The following ANKRD36 variants were observed in gnomAD, a reference collection of about 807,000 sequenced individuals.
The protein encoded by ANKRD36 is ankyrin repeat domain 36.
In ANKRD36, 179 loss-of-function variants were observed where a neutral mutation model predicts 278.1. The observed-to-expected ratio is 0.64, with a 90% CI of 0.57 to 0.73. The LOEUF (loss-of-function observed/expected upper bound fraction) is 0.73, where lower values mean the gene tolerates loss of function less well. Among genes scored for constraint, ANKRD36 ranks in the 30% least tolerant of loss-of-function variants. ANKRD36 has a pLI of 0.00. For synonymous variants in ANKRD36, 320 were observed against 641.1 expected, an observed-to-expected ratio of 0.50 and a Z score of 7.57; for missense variants, 1,159 against 1,956.7, an observed-to-expected ratio of 0.59 and a Z score of 7.69.
intron 44 of ANKRD36, among the ~76,000 whole-genome samples, chr2:97,199,545 A>G (rs1275599975): frequency 6.6e-6 from 1 of 151,930 alleles, no homozygotes; most frequent in Non-Finnish European, 1.5e-5. Context: ...TTTTCAATGA[A>G]TATTGCAGTG....
chr2:97,228,768 G>T (rs1167388290), intron 67 of ANKRD36, among the ~76,000 whole-genome samples: 1 of 151,504 alleles, frequency 6.6e-6, no homozygotes, highest in African/African-American at 2.4e-5. Flanking sequence ...TCTCTTGTGG[G>T]CATTTAGTGC....
chr2:97,220,729 CTTTTTTTTT>C, intron 66 of ANKRD36, among the ~76,000 whole-genome samples: 2 of 66,496 alleles, frequency 3.0e-5, no homozygotes, highest in South Asian at 1.4e-3. Context: ...GATTTTCTTG[CTTTTTTTTT>C]TTTTTTTTTA....
chr2:97,188,408 T>C (rs1312240631), intron 32 of ANKRD36, among the ~76,000 whole-genome samples: 16 of 151,710 alleles, frequency 1.1e-4, no homozygotes, highest in Admixed American at 9.3e-4. Flanking sequence ...TTATTGAGGC[T>C]GATATATTAT....
Position 97,190,162 on chromosome 2 carries a change from A to G in ANKRD36, c.2246-816A>G, listed in dbSNP as rs531914294. ...ACAAAAATTATGTTGAATTCTAATT[A>G]ACTCCTAAAATGGTAATTTTCAATG... On this transcript the variant is annotated intron_variant, in intron 34 of 75. Transcript: ENST00000420699. Among the ~76,000 whole-genome samples the G allele has an allele frequency of 5.4e-5, 5 of 92,020 alleles. 1 individual carries two copies. Among genetic ancestry groups the G allele is most frequent in the Admixed American group, 3.9e-4 (4 of 10,336 alleles). The allele number at this position is 92,020 out of a possible 152,430, so 60.4% of individuals were successfully genotyped here.
chr2:97,193,941 A>G (rs953654859), intron 38 of ANKRD36, among the ~76,000 whole-genome samples: 1 of 151,710 alleles, frequency 6.6e-6, no homozygotes, highest in Non-Finnish European at 1.5e-5. Context: ...TTCAATGAAT[A>G]TTGCAGTGAT....
chr2:97,242,580 C>A (rs375085202), intron 69 of ANKRD36, among the ~76,000 whole-genome samples: 3 of 146,022 alleles, frequency 2.1e-5, no homozygotes, highest in South Asian at 2.6e-4. Context: ...AACATATTAC[C>A]TTCTTAACCT....
intron 6 of ANKRD36, among the ~76,000 whole-genome samples, chr2:97,137,390 A>G (rs1429991765): frequency 6.6e-6 from 1 of 151,604 alleles, no homozygotes; most frequent in Admixed American, 6.6e-5. Context: ...GCCTCATGTG[A>G]TCCACCCACC....
intron 34 of ANKRD36, among the ~76,000 whole-genome samples, chr2:97,190,348 A>G (rs200512873): frequency 1.2e-5 from 1 of 85,036 alleles, no homozygotes; most frequent in African/African-American, 2.7e-5. Flanking sequence ...TTTCGGAGGG[A>G]TAAACTAGTG....
chr2:97,185,208 A>G, intron 28 of ANKRD36, 108 bp from the exon 29 acceptor site: 1 of 1,434,588 alleles, frequency 7.0e-7, no homozygotes, highest in Non-Finnish European at 9.6e-7. Context: ...ATCAAAGCCT[A>G]TACTAATACA....
At chr2:97,131,653 A>G (rs1007977827) in intron 6 of ANKRD36, among the ~76,000 whole-genome samples, 8 of 152,122 alleles carry the variant, frequency 5.3e-5, no homozygotes, top group African/African-American at 1.9e-4. Context: ...CCCTTAACAG[A>G]TGATTTTTAG....
At chr2:97,262,745 A>G (rs2076855832) in intron 75 of ANKRD36, among the ~76,000 whole-genome samples, 1 of 131,216 alleles carries the variant, frequency 7.6e-6, no homozygotes, top group African/African-American at 3.1e-5. Context: ...ATTACACGAA[A>G]GGTGGTTGTT....
intron 58 of ANKRD36, chr2:97,212,712 A>G (rs1290703865): frequency 3.2e-5 from 5 of 156,130 alleles, no homozygotes; most frequent in East Asian, 1.9e-4. Context: ...ATATGTCAAC[A>G]TTGGTAATTG....
intron 52 of ANKRD36, 100 bp from the exon 53 acceptor site, chr2:97,207,711 A>G (rs2063252933): frequency 1.1e-5 from 17 of 1,519,352 alleles, no homozygotes; most frequent in Admixed American, 4.0e-5. Context: ...CTACGCTAAT[A>G]CAGGCAGGAG....
intron 40 of ANKRD36, among the ~76,000 whole-genome samples, chr2:97,195,471 A>G (rs2059503932): frequency 6.6e-6 from 1 of 152,002 alleles, no homozygotes; most frequent in Non-Finnish European, 1.5e-5. Flanking sequence ...ATGCATTTGG[A>G]ACATTTGCAT....
chr2:97,240,982 G>GTT lies in ANKRD36; in HGVS notation c.4094-249_4094-248dup, dbSNP rs763385352. On this transcript the variant is annotated intron_variant, in intron 68 of 75. Coordinates refer to ENST00000420699, the MANE Select transcript of ANKRD36 (RefSeq NM_001354587.1). ...TTATCTTATGCAATCACATAACTAT[G>GTT]TTTTTTTTTTTTTTTTTTTTTTTTT... is the stretch of plus-strand genomic sequence containing the variant. Among the ~76,000 whole-genome samples, 361 of 53,002 alleles carry GTT rather than the reference G, an allele frequency of 6.8e-3. 66 individuals carry two copies. Among genetic ancestry groups the GTT allele is most frequent in the Non-Finnish European group, 8.6e-3 (267 of 30,952 alleles). The allele number at this position is 53,002 out of a possible 152,430, so 34.8% of individuals were successfully genotyped here.
At chr2:97,150,872 GT>G (rs1169363976) in intron 12 of ANKRD36, among the ~76,000 whole-genome samples, 1,475 of 33,756 alleles carry the variant, frequency 0.044, 1 homozygote, top group African/African-American at 0.11. Flanking sequence ...GAATTTTATT[GT>G]TTTTTTTTTT....
chr2:97,130,002 G>A (rs1372982028), intron 6 of ANKRD36, among the ~76,000 whole-genome samples: 3 of 152,018 alleles, frequency 2.0e-5, no homozygotes, highest in Non-Finnish European at 4.4e-5. Flanking sequence ...TTCCAGTTCT[G>A]TGAAGAAAGT....
In ANKRD36 at chr2:97,113,334, T is replaced by C. The variant is rs1057513370; in HGVS notation, c.-406T>C. On this transcript the variant is annotated 5_prime_UTR_variant, in exon 1 of 76. Coordinates refer to ENST00000420699, the MANE Select transcript of ANKRD36 (RefSeq NM_001354587.1). ...GAGAAGCACCACTCAACCCCATCCCTGGGCTGCAGAGGGCCCAGCGCGGGG... is the reference window on the plus strand; with the variant it reads ...GAGAAGCACCACTCAACCCCATCCCCGGGCTGCAGAGGGCCCAGCGCGGGG... 7.5e-4 allele frequency among the ~76,000 whole-genome samples: 114 copies of C among 152,202 alleles called. No homozygotes were observed. Among genetic ancestry groups the C allele is most frequent in the Non-Finnish European group, 1.4e-3 (98 of 68,000 alleles).
At chr2:97,197,169 G>C (rs1351627904) in intron 42 of ANKRD36, among the ~76,000 whole-genome samples, 3 of 151,878 alleles carry the variant, frequency 2.0e-5, no homozygotes, top group Non-Finnish European at 4.4e-5. Flanking sequence ...CAGAAAACTT[G>C]TTGTAATAAC....
Sources: gnomAD v4.1 joint callset for allele counts (sites outside exome capture counted in the v4.1 genomes callset) on GRCh38, gnomAD v4.1.1 for gene constraint, MANE v1.5 for transcripts, NCBI Gene and HGNC (gene_info 2026-07-23, HGNC 2026-07-21) for gene names.